Variants in ZFHX3 observed in about 807,000 individuals in gnomAD.
The protein encoded by ZFHX3 is zinc finger homeobox 3.
Under a neutral mutation model 279.1 loss-of-function variants are expected in ZFHX3, and 42 were observed. The ratio of observed to expected loss-of-function variants is 0.15; its 90% CI spans 0.12 to 0.19. The LOEUF is 0.19. Ranked by LOEUF, ZFHX3 falls within the 10% of genes least tolerant of loss-of-function variation. The pLI, the probability that ZFHX3 is intolerant of heterozygous loss-of-function variation, is 1.00. For synonymous variants in ZFHX3, 2,293 were observed against 1,957.8 expected (o/e 1.17, Z -4.52); for missense variants, 4,981 against 4,754.0 (o/e 1.05, Z -1.40).
intron 3 of ZFHX3, among the ~76,000 whole-genome samples, chr16:73,330,590 C>G (rs1057357225): frequency 1.3e-5 from 2 of 152,078 alleles, no homozygotes; most frequent in African/African-American, 2.4e-5. Flanking sequence ...CCTGGCTGAA[C>G]TTTGAAGTGG....
At chr16:73,078,149 C>T (rs1965906880) in intron 8 of ZFHX3, among the ~76,000 whole-genome samples, 1 of 152,132 alleles carries the variant, frequency 6.6e-6, no homozygotes, top group Non-Finnish European at 1.5e-5. Flanking sequence ...CACTAGGCAG[C>T]AAAGGAGAAA....
At chr16:73,121,774 C>T (rs1162947966) in intron 7 of ZFHX3, among the ~76,000 whole-genome samples, 2 of 151,926 alleles carry the variant, frequency 1.3e-5, no homozygotes, top group Non-Finnish European at 2.9e-5. Flanking sequence ...TGCCACCACA[C>T]CCGGCTAATT....
At chr16:72,966,938 T>C (rs150960277) in intron 1 of ZFHX3, among the ~76,000 whole-genome samples, 6 of 152,318 alleles carry the variant, frequency 3.9e-5, no homozygotes, top group African/African-American at 1.4e-4. Context: ...AAGGGGATTG[T>C]GCTATGGCCA....
intron 3 of ZFHX3, among the ~76,000 whole-genome samples, chr16:73,322,352 T>G (rs1476230731): frequency 3.3e-5 from 5 of 152,146 alleles, no homozygotes; most frequent in Non-Finnish European, 2.9e-5. Context: ...AAAGAAACTT[T>G]CCCATTTAAA....
At chr16:72,866,303 T>C (rs2038022254) in intron 4 of ZFHX3, among the ~76,000 whole-genome samples, 1 of 152,288 alleles carries the variant, frequency 6.6e-6, no homozygotes, top group Admixed American at 6.5e-5. Context: ...GTACATTCCC[T>C]CACTTAACTG....
At chr16:73,469,841 C>G (rs941044502) in intron 2 of ZFHX3, among the ~76,000 whole-genome samples, 1 of 152,122 alleles carries the variant, frequency 6.6e-6, no homozygotes, top group African/African-American at 2.4e-5. Context: ...TGGTCTCGAA[C>G]TCCTGACCTC....
intron 2 of ZFHX3, among the ~76,000 whole-genome samples, chr16:73,611,952 C>A (rs1028901625): frequency 1.3e-5 from 2 of 152,154 alleles, no homozygotes; most frequent in Non-Finnish European, 2.9e-5. Flanking sequence ...TCTTTTGAAA[C>A]CATCTTTGGG....
intron 2 of ZFHX3, among the ~76,000 whole-genome samples, chr16:73,542,220 G>T (rs1432162471): frequency 6.6e-6 from 1 of 152,114 alleles, no homozygotes; most frequent in African/African-American, 2.4e-5. Flanking sequence ...CCTTAATGGA[G>T]CCTGTGGGAA....
intron 2 of ZFHX3, among the ~76,000 whole-genome samples, chr16:73,665,063 A>G (rs1290008650): frequency 6.6e-6 from 1 of 152,194 alleles, no homozygotes; most frequent in African/African-American, 2.4e-5. Context: ...TAAGAGCACT[A>G]TTGTCCCTGC....
intron 2 of ZFHX3, among the ~76,000 whole-genome samples, chr16:73,540,714 C>G (rs1169732779): frequency 6.6e-6 from 1 of 152,200 alleles, no homozygotes; most frequent in African/African-American, 2.4e-5. Flanking sequence ...TCACTGTTTT[C>G]TAGATGAGAT....
In ZFHX3 at chr16:72,794,811, G is replaced by C. The variant is rs753488702; in HGVS notation, c.7871C>G (p.Ala2624Gly). ...LKRKLEEKAS[A>G]SPGENDSGTG... The stretch of plus-strand genomic sequence containing the variant: ...CCCACTGTCGTTTTCGCCAGGGCTT[G>C]CACTGGCCTTTTCCTCCAGCTTCCT... Residue 2624 changes from alanine (A) to glycine (G), a missense_variant, in exon 9 of 10, where the codon GCA (alanine) becomes GGA (glycine). Coordinates refer to ENST00000268489, the MANE Select transcript of ZFHX3 (RefSeq NM_006885.4). The surrounding 1 kb of genome is among the most constrained non-coding windows in gnomAD (Gnocchi z 4.2). 11 of 1,614,128 alleles carry C rather than the reference G, an allele frequency of 6.8e-6. No individual in the cohort carries two copies. In the South Asian group the frequency reaches 1.2e-4, roughly 18 times the overall value.
Position 72,944,856 on chromosome 16 carries a change from A to G in ZFHX3, c.3216+5613T>C, listed in dbSNP as rs188653200. On this transcript the variant is annotated intron_variant, in intron 3 of 9. Transcript: ENST00000268489. ...AAAGGACTCAGAAAAGAGAGAGAGAAAAAAAACACTAAAAGCATTTAGAAA... is the reference window on the plus strand; with the variant it reads ...AAAGGACTCAGAAAAGAGAGAGAGAGAAAAAACACTAAAAGCATTTAGAAA... 4.1e-4 allele frequency among the ~76,000 whole-genome samples: 63 copies of G among 152,328 alleles called. No homozygotes were observed. The East Asian group carries it at 5.6e-3, about 14-fold the overall frequency.
At position 73,237,528 on chromosome 16, in the gene ZFHX3, C is replaced by CTTTTT. The variant is rs886922274; in HGVS notation, c.-1104+19514_-1104+19518dup. On this transcript the variant is annotated intron_variant, in intron 5 of 17. Coordinates refer to the ZFHX3 transcript ENST00000641206. ...ATGGGTGTGAGCCACCAAATGCAGC[C>CTTTTT]TTTTTTTTTTTTTTTTTTTTTTTGG... is the stretch of plus-strand genomic sequence containing the variant. 1.7e-4 allele frequency among the ~76,000 whole-genome samples: 14 copies of CTTTTT among 84,166 alleles called. 1 individual carries two copies. Among genetic ancestry groups the CTTTTT allele is most frequent in the Non-Finnish European group, 2.0e-4 (9 of 44,272 alleles). 55.2% of individuals were successfully genotyped at this position (84,166 alleles called of 152,430 possible). A position where few individuals can be genotyped will look rare whatever the true frequency, so the allele number is the denominator to read the frequency against.
chr16:73,753,625 T>C (rs2053780161), intron 1 of ZFHX3, among the ~76,000 whole-genome samples: 1 of 152,174 alleles, frequency 6.6e-6, no homozygotes, highest in Non-Finnish European at 1.5e-5. Context: ...GCAGTACCAT[T>C]CAATGAAAGA....
At chr16:73,130,941 G>A in intron 7 of ZFHX3, 1 of 1,301,006 alleles carries the variant, frequency 7.7e-7, no homozygotes, top group Non-Finnish European at 1.0e-6. Context: ...AAATGGCTAG[G>A]GGCACTATAA....
chr16:73,803,276 C>G (rs1960188534), intron 1 of ZFHX3, among the ~76,000 whole-genome samples: 1 of 152,210 alleles, frequency 6.6e-6, no homozygotes, highest in African/African-American at 2.4e-5. Context: ...ATTAAAGCAA[C>G]AATAACACAT....
At chr16:73,579,372 T>A (rs2051833623) in intron 2 of ZFHX3, among the ~76,000 whole-genome samples, 1 of 152,232 alleles carries the variant, frequency 6.6e-6, no homozygotes, top group African/African-American at 2.4e-5. Context: ...GTGTCATGGG[T>A]GCATCCTTAA....
chr16:73,168,169 T>C (rs558647233), intron 5 of ZFHX3, among the ~76,000 whole-genome samples: 15 of 152,272 alleles, frequency 9.9e-5, no homozygotes, highest in Admixed American at 5.2e-4. Context: ...TATTATCACC[T>C]GCCCCATAAA....
chr16:73,822,559 TA>T (rs1435608506), intron 1 of ZFHX3, among the ~76,000 whole-genome samples: 5 of 152,190 alleles, frequency 3.3e-5, no homozygotes, highest in African/African-American at 1.2e-4. Flanking sequence ...TATAATGCTT[TA>T]CTCTTAGTTG....
Sources: gnomAD v4.1 joint callset for allele counts (sites outside exome capture counted in the v4.1 genomes callset) on GRCh38, gnomAD v4.1.1 for gene constraint, Gnocchi (gnomAD v3.1) non-coding constraint, MANE v1.5 for transcripts, NCBI Gene and HGNC (gene_info 2026-07-23, HGNC 2026-07-21) for gene names.